The following CADM2 variants were observed in gnomAD, a reference collection of about 807,000 sequenced individuals.
CADM2 encodes the protein cell adhesion molecule 2, also known as immunoglobulin superfamily member 4D.
CADM2 carries 12 observed loss-of-function variants against 49.8 expected under a neutral mutation model. The observed-to-expected ratio is 0.24, with a 90% CI of 0.15 to 0.39. The LOEUF (loss-of-function observed/expected upper bound fraction) is 0.39, where lower values mean the gene tolerates loss of function less well. Ranked by LOEUF, CADM2 falls within the 10% of genes least tolerant of loss-of-function variation. The pLI is 1.00. For missense variants in CADM2, 378 were observed against 492.3 expected (o/e 0.77, Z 2.20); for synonymous variants, 214 against 175.4 (o/e 1.22, Z -1.74).
chr3:85,812,463 C>G (rs890872101), intron 3 of CADM2, among the ~76,000 whole-genome samples: 10 of 151,916 alleles, frequency 6.6e-5, no homozygotes, highest in Non-Finnish European at 1.3e-4. Context: ...CATAGTGTCT[C>G]CATGTTGAAT....
At chr3:85,265,933 T>A (rs999613599) in intron 1 of CADM2, among the ~76,000 whole-genome samples, 4 of 151,952 alleles carry the variant, frequency 2.6e-5, no homozygotes, top group African/African-American at 9.7e-5. Context: ...CTGAAGAGAC[T>A]TTATTATTCA....
At chr3:85,891,678 G>A (rs534870339) in intron 5 of CADM2, among the ~76,000 whole-genome samples, 23 of 152,276 alleles carry the variant, frequency 1.5e-4, no homozygotes, top group African/African-American at 3.6e-4. Flanking sequence ...AATTGTTTAC[G>A]GGTGCCATGT....
chr3:85,755,554 T>A (rs1189370587), intron 2 of CADM2, among the ~76,000 whole-genome samples: 1 of 152,052 alleles, frequency 6.6e-6, no homozygotes, highest in Non-Finnish European at 1.5e-5. Context: ...GATTTGGCAA[T>A]TAATAAAGAA....
chr3:85,289,738 G>A (rs986064709), intron 1 of CADM2, among the ~76,000 whole-genome samples: 2 of 152,170 alleles, frequency 1.3e-5, no homozygotes, highest in East Asian at 3.9e-4. Flanking sequence ...TTCAGAGGAA[G>A]AAGTGTTTAG....
intron 1 of CADM2, among the ~76,000 whole-genome samples, chr3:85,635,721 A>T (rs1219304825): frequency 1.3e-5 from 2 of 152,172 alleles, no homozygotes; most frequent in African/African-American, 4.8e-5. Flanking sequence ...TATATACACT[A>T]ATTTATGTAT....
At chr3:85,726,101 C>T (rs1410216912) in intron 1 of CADM2, among the ~76,000 whole-genome samples, 1 of 151,984 alleles carries the variant, frequency 6.6e-6, no homozygotes, top group African/African-American at 2.4e-5. Flanking sequence ...TTAGAAAGCA[C>T]TCAAATGATG....
chr3:85,279,155 G>A (rs957550967), intron 1 of CADM2, among the ~76,000 whole-genome samples: 1 of 151,586 alleles, frequency 6.6e-6, no homozygotes, highest in Non-Finnish European at 1.5e-5. Context: ...TGCAGCTTGT[G>A]CTTTTCTGTA....
chr3:85,166,639 C>T (rs1183100359), intron 1 of CADM2, among the ~76,000 whole-genome samples: 1 of 151,864 alleles, frequency 6.6e-6, no homozygotes, highest in Non-Finnish European at 1.5e-5. Flanking sequence ...TATTAAAAGA[C>T]TATTTAGAAA....
At chr3:85,322,507 A>G (rs1445683207) in intron 1 of CADM2, among the ~76,000 whole-genome samples, 1 of 152,156 alleles carries the variant, frequency 6.6e-6, no homozygotes, top group Admixed American at 6.5e-5. Context: ...TGATGACACA[A>G]AGTATTTGCT....
At chr3:85,488,117 A>C (rs556140402) in intron 1 of CADM2, among the ~76,000 whole-genome samples, 1 of 152,318 alleles carries the variant, frequency 6.6e-6, no homozygotes, top group African/African-American at 2.4e-5. Context: ...ATAAAGAAAT[A>C]AAATTTTTCT....
intron 1 of CADM2, among the ~76,000 whole-genome samples, chr3:85,116,739 T>C (rs1408394341): frequency 6.6e-6 from 1 of 152,116 alleles, no homozygotes; most frequent in Non-Finnish European, 1.5e-5. Flanking sequence ...TACATACCAT[T>C]GTGGAAAGGA....
intron 1 of CADM2, among the ~76,000 whole-genome samples, chr3:85,142,055 G>T (rs2039593011): frequency 6.6e-6 from 1 of 152,160 alleles, no homozygotes; most frequent in Non-Finnish European, 1.5e-5. Flanking sequence ...TTAGCCAAAG[G>T]AAATCACATA....
chr3:85,829,873 T>C (rs1001335711), intron 3 of CADM2, among the ~76,000 whole-genome samples: 3 of 152,046 alleles, frequency 2.0e-5, no homozygotes, highest in African/African-American at 7.2e-5. Flanking sequence ...CTGAACAGTA[T>C]GTGTATATAT....
At chr3:85,212,187 T>G (rs905128194) in intron 1 of CADM2, among the ~76,000 whole-genome samples, 3 of 152,156 alleles carry the variant, frequency 2.0e-5, no homozygotes, top group Admixed American at 2.0e-4. Context: ...AAAGTGTATT[T>G]CTTGTAGGAT....
intron 1 of CADM2, among the ~76,000 whole-genome samples, chr3:85,682,650 G>C (rs1206277774): frequency 6.6e-6 from 1 of 151,900 alleles, no homozygotes; most frequent in African/African-American, 2.4e-5. Flanking sequence ...AAAATGGCAA[G>C]AACACTAAAT....
At chr3:85,013,363 G>A (rs2034088718) in intron 1 of CADM2, among the ~76,000 whole-genome samples, 1 of 151,794 alleles carries the variant, frequency 6.6e-6, no homozygotes, top group African/African-American at 2.4e-5. Flanking sequence ...AAACTTACCT[G>A]AGATCTATTT....
At chr3:85,850,367 C>G (rs1436657755) in intron 3 of CADM2, among the ~76,000 whole-genome samples, 2 of 140,028 alleles carry the variant, frequency 1.4e-5, no homozygotes, top group Non-Finnish European at 3.0e-5. Flanking sequence ...CTCCGTCGCC[C>G]AGGCTGGAGA....
At chr3:86,040,361 G>C (rs957843001) in intron 8 of CADM2, among the ~76,000 whole-genome samples, 2 of 152,130 alleles carry the variant, frequency 1.3e-5, no homozygotes, top group East Asian at 3.9e-4. Context: ...TGGCTAACTA[G>C]AATAACCAAT....
At chr3:85,585,987 CCTAT>C (rs1323203688) in intron 1 of CADM2, among the ~76,000 whole-genome samples, 2 of 151,864 alleles carry the variant, frequency 1.3e-5, no homozygotes, top group Non-Finnish European at 2.9e-5. Context: ...CTTAGTGACT[CCTAT>C]CTAAAATAAA....
Sources: gnomAD v4.1 joint callset for allele counts (sites outside exome capture counted in the v4.1 genomes callset) on GRCh38, gnomAD v4.1.1 for gene constraint, MANE v1.5 for transcripts, NCBI Gene and HGNC (gene_info 2026-07-23, HGNC 2026-07-21) for gene names.